Variants in FHOD3 observed in about 807,000 individuals in gnomAD.
The protein encoded by FHOD3 is FH1/FH2 domain-containing protein 3.
Under a neutral mutation model 173.0 loss-of-function variants are expected in FHOD3, and 90 were observed. The observed-to-expected ratio is 0.52, with a 90% CI of 0.44 to 0.62. The LOEUF (loss-of-function observed/expected upper bound fraction) is 0.62, where lower values mean the gene tolerates loss of function less well. Among genes scored for constraint, FHOD3 ranks in the 20% least tolerant of loss-of-function variants. FHOD3 has a pLI of 0.00. For synonymous variants in FHOD3, 828 were observed against 823.0 expected (o/e 1.01, Z -0.10); for missense variants, 1,945 against 2,034.7 (o/e 0.96, Z 0.85).
chr18:36,647,614 T>C (rs996387277), intron 10 of FHOD3, among the ~76,000 whole-genome samples: 2 of 152,312 alleles, frequency 1.3e-5, no homozygotes, highest in East Asian at 3.9e-4. Flanking sequence ...CACAGTAATA[T>C]ATACATATGT....
intron 28 of FHOD3, among the ~76,000 whole-genome samples, chr18:36,775,311 A>G (rs1039467219): frequency 2.0e-5 from 3 of 152,232 alleles, no homozygotes; most frequent in Admixed American, 1.3e-4. Context: ...AAGCGCACAG[A>G]TGGATTTCTG....
chr18:36,507,346 C>T (rs904152963), intron 4 of FHOD3, among the ~76,000 whole-genome samples: 4 of 152,180 alleles, frequency 2.6e-5, no homozygotes, highest in East Asian at 1.9e-4. Flanking sequence ...ATTGTGTATA[C>T]GAAACCTAAA....
chr18:36,697,146 C>T (rs1460304085), intron 17 of FHOD3, among the ~76,000 whole-genome samples: 4 of 152,114 alleles, frequency 2.6e-5, no homozygotes, highest in Non-Finnish European at 5.9e-5. Context: ...TCAAGATAGC[C>T]AGATAACCTC....
At chr18:36,312,744 G>T (rs2092288525) in intron 1 of FHOD3, among the ~76,000 whole-genome samples, 2 of 152,224 alleles carry the variant, frequency 1.3e-5, no homozygotes, top group Admixed American at 6.5e-5. Flanking sequence ...GTTTGAGAAA[G>T]TGTCAGTCAC....
At chr18:36,477,030 A>G (rs2053610544) in intron 3 of FHOD3, among the ~76,000 whole-genome samples, 1 of 152,206 alleles carries the variant, frequency 6.6e-6, no homozygotes, top group Non-Finnish European at 1.5e-5. Flanking sequence ...GAGACCTGCA[A>G]GAGGAGGAAG....
intron 3 of FHOD3, among the ~76,000 whole-genome samples, chr18:36,385,681 G>A (rs763566639): frequency 4.6e-5 from 7 of 152,224 alleles, no homozygotes; most frequent in South Asian, 2.1e-4. Flanking sequence ...GATTACAGGC[G>A]TGAGCCACTG....
chr18:36,747,159 G>GA lies in FHOD3; in HGVS notation c.4232+27dup, dbSNP rs1280622413. 3.2e-6 allele frequency: 5 copies of GA among 1,568,384 alleles called. No individual in the cohort carries two copies. The South Asian group carries it at 5.9e-5, about 19-fold the overall frequency. ...AGGTAAGTGGATTGAGGAACTTATAGAAATATCAGTACAATGGCATATTGA... is the reference window on the plus strand; with the variant it reads ...AGGTAAGTGGATTGAGGAACTTATAGAAAATATCAGTACAATGGCATATTGA... On this transcript the variant is annotated intron_variant, in intron 24 of 28. Coordinates refer to ENST00000590592, the MANE Select transcript of FHOD3 (RefSeq NM_001281740.3).
intron 3 of FHOD3, among the ~76,000 whole-genome samples, chr18:36,444,384 T>G (rs2051343583): frequency 6.6e-6 from 1 of 152,078 alleles, no homozygotes; most frequent in South Asian, 2.1e-4. Flanking sequence ...CCATTTTGGG[T>G]TCTCCTCATA....
rs961396854 is a variant in FHOD3, at chr18:36,652,846, C to T, written c.1563C>T (p.Ser521=). ...ACAAGCTGCCCTACGTGCCCCACAGCCCCTTCCACCTCTTCTCCTATGACT... is the reference window on the plus strand; with the variant it reads ...ACAAGCTGCCCTACGTGCCCCACAGTCCCTTCCACCTCTTCTCCTATGACT... The part of the protein sequence containing the change: ...TIDKLPYVPH[S]PFHLFSYDFE... Residue 521 remains serine, a synonymous_variant, in exon 12 of 29, where the codon AGC becomes AGT. Coordinates refer to ENST00000590592, the MANE Select transcript of FHOD3 (RefSeq NM_001281740.3). The T allele has an allele frequency of 8.5e-6, 13 of 1,535,886 alleles. No homozygotes were observed. The East Asian group carries it at 2.9e-4, about 35-fold the overall frequency.
At chr18:36,692,082 T>C (rs1355731804) in intron 16 of FHOD3, among the ~76,000 whole-genome samples, 1 of 152,196 alleles carries the variant, frequency 6.6e-6, no homozygotes, top group Non-Finnish European at 1.5e-5. Flanking sequence ...GCAAGTGTGG[T>C]CCGAAGGGTG....
At chr18:36,303,183 A>T (rs1051715170) in intron 1 of FHOD3, among the ~76,000 whole-genome samples, 1 of 152,224 alleles carries the variant, frequency 6.6e-6, no homozygotes, top group African/African-American at 2.4e-5. Context: ...GGAATCCCCA[A>T]TTAACAGATG....
intron 3 of FHOD3, among the ~76,000 whole-genome samples, chr18:36,437,409 G>C (rs375051470): frequency 6.6e-6 from 1 of 152,022 alleles, no homozygotes; most frequent in African/African-American, 2.4e-5. Flanking sequence ...GCTTGCTTTT[G>C]TTATGTTTGT....
At chr18:36,759,359 G>A (rs2042772812) in intron 26 of FHOD3, among the ~76,000 whole-genome samples, 1 of 152,238 alleles carries the variant, frequency 6.6e-6, no homozygotes, top group African/African-American at 2.4e-5. Flanking sequence ...TGCATTTTCC[G>A]AGCTGTCCCT....
At chr18:36,373,818 T>C (rs898605478) in intron 3 of FHOD3, among the ~76,000 whole-genome samples, 7 of 152,236 alleles carry the variant, frequency 4.6e-5, no homozygotes, top group Admixed American at 3.9e-4. Context: ...TGGGCACTTA[T>C]ATTAAATCGT....
chr18:36,405,919 G>T (rs2049034247), intron 3 of FHOD3, among the ~76,000 whole-genome samples: 1 of 152,174 alleles, frequency 6.6e-6, no homozygotes, highest in Non-Finnish European at 1.5e-5. Context: ...AAGTTTGCCT[G>T]TGGGTTCCAG....
At chr18:36,438,769 C>T (rs1008730578) in intron 3 of FHOD3, among the ~76,000 whole-genome samples, 1 of 152,212 alleles carries the variant, frequency 6.6e-6, no homozygotes, top group Non-Finnish European at 1.5e-5. Flanking sequence ...TAAGACACTG[C>T]TCTTCATCCT....
At chr18:36,468,887 A>G (rs942384938) in intron 3 of FHOD3, among the ~76,000 whole-genome samples, 1 of 152,174 alleles carries the variant, frequency 6.6e-6, no homozygotes, top group Non-Finnish European at 1.5e-5. Flanking sequence ...ACAGACACTG[A>G]GAACCTTTGA....
chr18:36,494,032 G>A (rs1211741678), intron 3 of FHOD3, among the ~76,000 whole-genome samples: 1 of 152,150 alleles, frequency 6.6e-6, no homozygotes, highest in Non-Finnish European at 1.5e-5. Context: ...TCTTGAAGGG[G>A]ATTTTTGTTC....
intron 5 of FHOD3, among the ~76,000 whole-genome samples, chr18:36,535,389 G>A (rs1010310945): frequency 7.2e-5 from 11 of 152,128 alleles, no homozygotes; most frequent in Non-Finnish European, 1.0e-4. Flanking sequence ...GGTTCCTAGC[G>A]CTTCCCCTAA....
Sources: allele counts gnomAD v4.1 joint callset (sites outside exome capture counted in the v4.1 genomes callset), GRCh38; gene constraint gnomAD v4.1.1; transcripts MANE v1.5; gene names NCBI Gene and HGNC (gene_info 2026-07-23, HGNC 2026-07-21).